Variants in RGPD2 observed in about 807,000 individuals in gnomAD.
RGPD2 encodes RANBP2-like and GRIP domain-containing protein 2.
RGPD2 carries 2 observed loss-of-function variants against 36.0 expected under a neutral mutation model. That is an observed-to-expected ratio of 0.06 (90% CI 0.02 to 0.17). The LOEUF is 0.17. Ranked by LOEUF, RGPD2 falls within the 10% of genes least tolerant of loss-of-function variation. The pLI, the probability that RGPD2 is intolerant of heterozygous loss-of-function variation, is 1.00. For synonymous variants in RGPD2, 19 were observed against 163.8 expected, an observed-to-expected ratio of 0.12 and a Z score of 6.75; for missense variants, 40 against 464.3, an observed-to-expected ratio of 0.09 and a Z score of 8.40.
the RGPD2 span, among the ~76,000 whole-genome samples, chr2:87,980,205 G>T: frequency 2.7e-5 from 4 of 149,898 alleles, no homozygotes; most frequent in Non-Finnish European, 6.0e-5. Flanking sequence ...ACAAAAATTA[G>T]CCGGGCATGG....
chr2:87,882,191 G>GC, the RGPD2 span, among the ~76,000 whole-genome samples: 2 of 149,544 alleles, frequency 1.3e-5, no homozygotes. Context: ...ATGTCACACA[G>GC]TTTTTTTTTT....
At chr2:87,872,512 T>C in the RGPD2 span, among the ~76,000 whole-genome samples, 2 of 150,406 alleles carry the variant, frequency 1.3e-5, no homozygotes, top group African/African-American at 4.9e-5. Context: ...CTTCTATCCT[T>C]TTTTTTTCAA....
chr2:87,839,570 A>G, the RGPD2 span, among the ~76,000 whole-genome samples: 1 of 152,100 alleles, frequency 6.6e-6, no homozygotes, highest in Non-Finnish European at 1.5e-5. Flanking sequence ...GTACATGTAC[A>G]CCATGGGATA....
At chr2:87,956,547 G>T in the RGPD2 span, among the ~76,000 whole-genome samples, 1 of 40,934 alleles carries the variant, frequency 2.4e-5, no homozygotes, top group African/African-American at 6.0e-5. Flanking sequence ...GAGAGTCTGT[G>T]GTTATTGAAC....
rs754121197 is a variant in RGPD2 at position 87,825,768 on chromosome 2, C to T, written c.-39G>A. On this transcript the variant is annotated 5_prime_UTR_variant, in exon 1 of 23. Transcript: ENST00000398146. ...TGGCTCCCGAGACGCGTGAAACCAG[C>T]GCTCAGCCCCGCAGCAGTCGCCAAT... 24 of 1,552,108 alleles carry T rather than the reference C, an allele frequency of 1.5e-5. No homozygotes were observed. Among genetic ancestry groups the T allele is most frequent in the Non-Finnish European group, 2.0e-5 (23 of 1,147,460 alleles).
the RGPD2 span, among the ~76,000 whole-genome samples, chr2:87,839,280 A>G: frequency 6.6e-6 from 1 of 152,152 alleles, no homozygotes; most frequent in East Asian, 1.9e-4. Context: ...AAAATGCTCA[A>G]TATCACTAAT....
the RGPD2 span, among the ~76,000 whole-genome samples, chr2:87,964,633 G>T: frequency 6.6e-6 from 1 of 150,852 alleles, no homozygotes; most frequent in Non-Finnish European, 1.5e-5. Context: ...GGCAGGCCAG[G>T]TCTCACTAAT....
chr2:87,912,161 A>G, the RGPD2 span, among the ~76,000 whole-genome samples: 1 of 145,832 alleles, frequency 6.9e-6, no homozygotes, highest in Non-Finnish European at 1.5e-5. Flanking sequence ...TATAACTTTT[A>G]CATACCAATC....
the RGPD2 span, among the ~76,000 whole-genome samples, chr2:87,871,305 T>TA: frequency 1.0e-5 from 1 of 97,094 alleles, no homozygotes; most frequent in Non-Finnish European, 2.1e-5. Context: ...TTCATTCTCT[T>TA]AAAAAACTAG....
At chr2:87,856,756 T>C in the RGPD2 span, among the ~76,000 whole-genome samples, 1 of 152,202 alleles carries the variant, frequency 6.6e-6, no homozygotes, top group African/African-American at 2.4e-5. Context: ...GCTGAATAAA[T>C]ACCAGATAGC....
chr2:87,846,246 T>C, the RGPD2 span, among the ~76,000 whole-genome samples: 1 of 152,030 alleles, frequency 6.6e-6, no homozygotes, highest in Non-Finnish European at 1.5e-5. Context: ...TTTTAGGATG[T>C]ATACGAAGGT....
chr2:87,826,927 G>A (rs1169287944), upstream of RGPD2, among the ~76,000 whole-genome samples: 1 of 123,558 alleles, frequency 8.1e-6, no homozygotes, highest in East Asian at 2.3e-4. Context: ...AAAGTCCCAC[G>A]AAGTGTTCAT....
the RGPD2 span, chr2:87,985,711 A>G: frequency 6.4e-7 from 1 of 1,558,250 alleles, no homozygotes; most frequent in Non-Finnish European, 8.8e-7. Context: ...TAAAGAAAAC[A>G]ATTGTATTTA....
upstream of RGPD2, among the ~76,000 whole-genome samples, chr2:87,827,356 A>T (rs1171259104): frequency 6.6e-6 from 1 of 152,220 alleles, no homozygotes; most frequent in Admixed American, 6.5e-5. Context: ...TAGAATAAAA[A>T]AAACTTTTAA....
At chr2:87,864,792 G>T in the RGPD2 span, among the ~76,000 whole-genome samples, 2 of 152,110 alleles carry the variant, frequency 1.3e-5, no homozygotes, top group Non-Finnish European at 2.9e-5. Context: ...CCATTTTCCA[G>T]TTAGGTTATT....
the RGPD2 span, among the ~76,000 whole-genome samples, chr2:87,930,706 G>T: frequency 6.6e-6 from 1 of 150,628 alleles, no homozygotes; most frequent in Non-Finnish European, 1.5e-5. Flanking sequence ...GGCTTTTTTG[G>T]GTTGGTAGAC....
At chr2:87,911,692 G>T in the RGPD2 span, among the ~76,000 whole-genome samples, 329 of 152,150 alleles carry the variant, frequency 2.2e-3, no homozygotes, top group African/African-American at 7.4e-3. Context: ...TTAAAATAGT[G>T]TGTTATACTG....
At chr2:87,986,904 A>C in the RGPD2 span, among the ~76,000 whole-genome samples, 1 of 150,964 alleles carries the variant, frequency 6.6e-6, no homozygotes, top group Non-Finnish European at 1.5e-5. Context: ...ACTATGAAAA[A>C]CATACAACTT....
At chr2:87,848,956 A>G in the RGPD2 span, among the ~76,000 whole-genome samples, 2 of 150,448 alleles carry the variant, frequency 1.3e-5, no homozygotes, top group South Asian at 2.1e-4. Context: ...TTTCTCAGAG[A>G]CCTATGACAA....
Sources: gnomAD v4.1 joint callset for allele counts (sites outside exome capture counted in the v4.1 genomes callset) on GRCh38, gnomAD v4.1.1 for gene constraint, MANE v1.5 for transcripts, NCBI Gene and HGNC (gene_info 2026-07-23, HGNC 2026-07-21) for gene names.